ONECUT1: variants seen among roughly 807,000 people sequenced by gnomAD.
ONECUT1 encodes one cut homeobox 1.
ONECUT1 carries 12 observed loss-of-function variants against 25.6 expected under a neutral mutation model. The observed-to-expected ratio is 0.47, with a 90% CI of 0.30 to 0.76. The LOEUF is 0.76. Among genes scored for constraint, ONECUT1 ranks in the 30% least tolerant of loss-of-function variants. The pLI is 0.07. For synonymous variants in ONECUT1, 285 were observed against 270.2 expected (o/e 1.05, Z -0.54); for missense variants, 620 against 651.2 (o/e 0.95, Z 0.52).
chr15:52,780,650 T>G (rs752498304), intron 1 of ONECUT1: 2 of 1,534,822 alleles, frequency 1.3e-6, no homozygotes, highest in South Asian at 2.4e-5. Flanking sequence ...TAGCCACTCC[T>G]CTCACGCACT....
rs74851037 is a variant in ONECUT1 at position 52,785,716 on chromosome 15, C to G, written c.1105+3064G>C. On this transcript the variant is annotated intron_variant, in intron 1 of 1. Coordinates refer to ENST00000305901, the MANE Select transcript of ONECUT1 (RefSeq NM_004498.4). The stretch of plus-strand genomic sequence containing the variant: ...CCGCCTCATCCCGGAGGAGACGCGG[C>G]GAGAACCCTGTCGCTCTGCTCTTTA... 0.011 allele frequency: 1,672 copies of G among 152,430 alleles called. 62 individuals are homozygous for G. In the East Asian group the frequency reaches 0.11, roughly 10 times the overall value. The allele number at this position is 152,430 out of a possible 1,614,324, so 9.4% of individuals were successfully genotyped here.
intron 1 of ONECUT1, among the ~76,000 whole-genome samples, chr15:52,762,849 T>C (rs993760905): frequency 6.6e-6 from 1 of 152,130 alleles, no homozygotes; most frequent in Admixed American, 6.6e-5. Flanking sequence ...TTCTAGAAGC[T>C]TTCACCAGAC....
chr15:52,770,116 G>A (rs2083758129), intron 1 of ONECUT1, among the ~76,000 whole-genome samples: 1 of 152,212 alleles, frequency 6.6e-6, no homozygotes, highest in Admixed American at 6.5e-5. Flanking sequence ...GGATCCATGG[G>A]TTAGGGTATC....
chr15:52,766,329 T>C (rs1375962200), intron 1 of ONECUT1, among the ~76,000 whole-genome samples: 2 of 151,688 alleles, frequency 1.3e-5, no homozygotes, highest in African/African-American at 4.9e-5. Flanking sequence ...CCAGCTTCAC[T>C]GGACCCTGGA....
rs576976219 is a variant in ONECUT1 at position 52,767,715 on chromosome 15, GTA to G, written c.1106-9870_1106-9869del. 8.5e-5 allele frequency among the ~76,000 whole-genome samples: 13 copies of G among 152,292 alleles called. No individual in the cohort carries two copies. The East Asian group carries it at 2.5e-3, about 29-fold the overall frequency. On this transcript the variant is annotated intron_variant, in intron 1 of 1. Coordinates refer to ENST00000305901, the MANE Select transcript of ONECUT1 (RefSeq NM_004498.4). ...GGCTCAAGAATTTTGATTTCTATCA[GTA>G]TATGAAGAGATATCTGCACTGCCAT... is the stretch of plus-strand genomic sequence containing the variant.
chr15:52,764,852 T>A (rs1211990663), intron 1 of ONECUT1, among the ~76,000 whole-genome samples: 2 of 152,232 alleles, frequency 1.3e-5, no homozygotes, highest in African/African-American at 4.8e-5. Context: ...GGTAAGTCTG[T>A]GACGTCCGAG....
intron 1 of ONECUT1, among the ~76,000 whole-genome samples, chr15:52,759,999 T>A (rs981809169): frequency 1.3e-5 from 2 of 152,190 alleles, no homozygotes; most frequent in Non-Finnish European, 2.9e-5. Context: ...GTATTCACCC[T>A]ACTTACGGGG....
chr15:52,757,827 C>G lies in ONECUT1; in HGVS notation c.1126G>C (p.Glu376Gln). The G allele has an allele frequency of 6.2e-7, 1 of 1,613,460 alleles. No individual in the cohort carries two copies. The highest frequency in any genetic ancestry group is 8.5e-7 in the Non-Finnish European group (1 of 1,179,688). The change falls in exon 2 of 2, where the codon GAA (glutamate) becomes CAA (glutamine). Residue 376 changes from glutamate to glutamine, a missense_variant. Glu to Gln is a conservative substitution (Grantham distance 29). Around this residue, in one of 4 missense-constraint regions of ONECUT1, gnomAD observed 146 missense variants for 201.8 expected, o/e 0.72. Transcript: ENST00000305901. ...GTGTTGCCTCTATCCTTCCCATGTT[C>G]TTGTTCTTTCCTTTTGCATGCTGTG... is the stretch of plus-strand genomic sequence containing the variant. ...RLAACKRKEQ[E>Q]HGKDRGNTPK...
At chr15:52,759,262 G>T (rs988229569) in intron 1 of ONECUT1, among the ~76,000 whole-genome samples, 1 of 152,058 alleles carries the variant, frequency 6.6e-6, no homozygotes, top group Non-Finnish European at 1.5e-5. Flanking sequence ...TTACCTGATG[G>T]TTCACCAGCT....
At chr15:52,769,209 C>A (rs780020809) in intron 1 of ONECUT1, among the ~76,000 whole-genome samples, 6 of 152,218 alleles carry the variant, frequency 3.9e-5, no homozygotes, top group African/African-American at 1.4e-4. Flanking sequence ...TTTGTGCCCA[C>A]AGAGCACCTT....
chr15:52,767,704 G>A (rs114407841), intron 1 of ONECUT1, among the ~76,000 whole-genome samples: 437 of 152,240 alleles, frequency 2.9e-3, no homozygotes, highest in African/African-American at 0.01. Context: ...CAAGAATTTT[G>A]ATTTCTATCA....
intron 1 of ONECUT1, among the ~76,000 whole-genome samples, chr15:52,767,806 T>G (rs1241098366): frequency 6.6e-6 from 1 of 152,160 alleles, no homozygotes; most frequent in African/African-American, 2.4e-5. Flanking sequence ...CATCAACAGG[T>G]GAACGGATAA....
At chr15:52,783,491 G>A (rs1189386587) in intron 1 of ONECUT1, among the ~76,000 whole-genome samples, 1 of 152,196 alleles carries the variant, frequency 6.6e-6, no homozygotes, top group Non-Finnish European at 1.5e-5. Context: ...AGGCGTCAGG[G>A]CGGTGGGACC....
chr15:52,786,581 A>G (rs2083876221), intron 1 of ONECUT1, among the ~76,000 whole-genome samples: 1 of 152,230 alleles, frequency 6.6e-6, no homozygotes, highest in Admixed American at 6.5e-5. Flanking sequence ...TGGGTGCCAC[A>G]AGCACCTGCC....
intron 1 of ONECUT1, among the ~76,000 whole-genome samples, chr15:52,779,032 G>A (rs1009947770): frequency 6.0e-5 from 9 of 149,388 alleles, no homozygotes; most frequent in African/African-American, 1.0e-4. Context: ...GGTGTAATAC[G>A]ATCCATTACA....
intron 1 of ONECUT1, among the ~76,000 whole-genome samples, chr15:52,767,119 G>T (rs2083739318): frequency 1.3e-5 from 2 of 151,996 alleles, no homozygotes; most frequent in South Asian, 2.1e-4. Flanking sequence ...TCTCGGTGAG[G>T]TTAAGAGACT....
intron 1 of ONECUT1, among the ~76,000 whole-genome samples, chr15:52,779,216 T>C (rs1044227125): frequency 1.1e-4 from 17 of 152,102 alleles, no homozygotes; most frequent in African/African-American, 4.1e-4. Context: ...CCCGAGTAGC[T>C]GGGACTACAG....
chr15:52,783,054 C>T (rs1294217163), intron 1 of ONECUT1, among the ~76,000 whole-genome samples: 1 of 152,158 alleles, frequency 6.6e-6, no homozygotes, highest in Non-Finnish European at 1.5e-5. Context: ...GTTTGATTAG[C>T]TGAATTTGCC....
intron 1 of ONECUT1, among the ~76,000 whole-genome samples, chr15:52,783,858 A>T (rs544228273): frequency 2.6e-4 from 39 of 152,328 alleles, no homozygotes; most frequent in African/African-American, 8.4e-4. Flanking sequence ...GAAGATGAGA[A>T]TTTTGTTTTC....
Sources: gnomAD v4.1 joint callset for allele counts (sites outside exome capture counted in the v4.1 genomes callset) on GRCh38, gnomAD v4.1.1 for gene constraint, gnomAD v4.1.1 regional missense constraint, MANE v1.5 for transcripts, NCBI Gene and HGNC (gene_info 2026-07-23, HGNC 2026-07-21) for gene names.